Variants in MAP3K9 observed in about 807,000 individuals in gnomAD.
MAP3K9 encodes the protein mixed lineage kinase 1 (tyr and ser/thr specificity).
Under a neutral mutation model 95.8 loss-of-function variants are expected in MAP3K9, and 46 were observed. That is an observed-to-expected ratio of 0.48 (90% CI 0.38 to 0.61). The LOEUF (loss-of-function observed/expected upper bound fraction) is 0.61. MAP3K9 is among the 20% of genes least tolerant of loss of function. MAP3K9 has a pLI of 0.00. For missense variants in MAP3K9, 1,296 were observed against 1,474.3 expected (o/e 0.88, Z 1.98); for synonymous variants, 533 against 593.8 (o/e 0.90, Z 1.49).
At position 70,809,014 on chromosome 14, in the gene MAP3K9, G is replaced by A. The variant is rs372951506; in HGVS notation, c.158C>T (p.Pro53Leu). The A allele has an allele frequency of 1.4e-4, 211 of 1,519,808 alleles. 1 individual carries two copies. The African/African-American group carries it at 2.7e-3, about 19-fold the overall frequency. 94.1% of individuals were successfully genotyped at this position (1,519,808 alleles called of 1,614,324 possible). ...GAACACGGCCGTCCAGTAGGGCAGC[G>A]GCGCGTCGCAGCCCAGCTCCCCGGG... ...VGPGELGCDA[P>L]LPYWTAVFEY... Residue 53 changes from proline to leucine, a missense_variant, in exon 1 of 12, where the codon CCG (proline) becomes CTG (leucine). Transcript: ENST00000554752.
Position 70,742,459 on chromosome 14 carries a change from T to C in MAP3K9, c.1459A>G (p.Ile487Val), listed in dbSNP as rs767507468. The C allele has an allele frequency of 6.8e-6, 11 of 1,614,212 alleles. No homozygotes were observed. Among genetic ancestry groups the C allele is most frequent in the Non-Finnish European group, 9.3e-6 (11 of 1,180,032 alleles). Residue 487 changes from isoleucine to valine, a missense_variant, in exon 6 of 12, where the codon ATC becomes GTC. Ile to Val is a conservative substitution (Grantham distance 29, BLOSUM62 3). Transcript: ENST00000554752. The part of the protein sequence containing the change: ...IDILERELNI[I>V]IHQLCQEKPR... The stretch of plus-strand genomic sequence containing the variant: ...TTCTCCTGGCACAGCTGGTGGATGA[T>C]GATGTTGAGCTCCCGTTCCAGGATG...
chr14:70,727,503 G>A lies in MAP3K9; in HGVS notation c.*2877C>T. The A allele has an allele frequency of 6.6e-6, 1 of 152,576 alleles. No individual in the cohort carries two copies. The highest frequency in any genetic ancestry group is 1.5e-5 in the Non-Finnish European group (1 of 68,238). The allele number at this position is 152,576 out of a possible 1,614,324, so 9.5% of individuals were successfully genotyped here. A position where few individuals can be genotyped will look rare whatever the true frequency, so the allele number is the denominator to read the frequency against. On this transcript the variant is annotated 3_prime_UTR_variant, in exon 12 of 12. Transcript: ENST00000554752. ...GCAGAGGAAAGGGGGGCCGGCTACT[G>A]CCACTCAAGTGGCTTCATCCACAGC...
In MAP3K9 at chr14:70,727,337, A is replaced by G. The variant is rs1342938606; in HGVS notation, c.*3043T>C. On this transcript the variant is annotated 3_prime_UTR_variant, in exon 12 of 12. Transcript: ENST00000554752. Reference sequence around the variant, plus strand: ...GCAGTCTGGATCCCCAAGAGGGTCAAAAGGGGATAATCCGAATCAGCGGTA... The same window carrying G: ...GCAGTCTGGATCCCCAAGAGGGTCAGAAGGGGATAATCCGAATCAGCGGTA... 6.6e-6 allele frequency: 1 copy of G among 152,284 alleles called. No homozygotes were observed. The highest frequency in any genetic ancestry group is 1.9e-4 in the East Asian group (1 of 5,200). 9.4% of individuals were successfully genotyped at this position (152,284 alleles called of 1,614,324 possible).
intron 1 of MAP3K9, among the ~76,000 whole-genome samples, chr14:70,802,044 G>A (rs1371065879): frequency 2.0e-5 from 3 of 152,170 alleles, no homozygotes; most frequent in Non-Finnish European, 4.4e-5. Flanking sequence ...GAGGAGTCAT[G>A]TATCTTTCAG....
rs2053786810 is a variant in MAP3K9, at chr14:70,724,006, A to T, written c.*6374T>A. 1 of 152,230 alleles carries T rather than the reference A, an allele frequency of 6.6e-6. No homozygotes were observed. The allele number at this position is 152,230 out of a possible 1,614,324, so 9.4% of individuals were successfully genotyped here. ...GAGGGTGTGATGGGCCAAATTCTGA[A>T]GACTCACTGTGCAGGCACAGAGCTA... On this transcript the variant is annotated 3_prime_UTR_variant, in exon 12 of 12. Coordinates refer to ENST00000554752, the MANE Select transcript of MAP3K9 (RefSeq NM_001284230.2).
intron 3 of MAP3K9, among the ~76,000 whole-genome samples, 194 bp from the exon 4 acceptor site, chr14:70,750,275 T>C (rs1349302602): frequency 2.0e-5 from 3 of 152,238 alleles, no homozygotes; most frequent in Non-Finnish European, 4.4e-5. Context: ...GAGTCAAGCA[T>C]ACTTGGTTTT....
chr14:70,759,203 C>T (rs2054336932), intron 3 of MAP3K9, among the ~76,000 whole-genome samples: 1 of 152,104 alleles, frequency 6.6e-6, no homozygotes, highest in African/African-American at 2.4e-5. Flanking sequence ...ATCCCAGCCC[C>T]TTAAGAGGCC....
At chr14:70,770,286 T>C (rs566049718) in intron 2 of MAP3K9, among the ~76,000 whole-genome samples, 3 of 152,290 alleles carry the variant, frequency 2.0e-5, no homozygotes, top group Admixed American at 2.0e-4. Flanking sequence ...GTTCAAGCGA[T>C]TCTCCTGCCT....
At chr14:70,785,431 T>G (rs138205648) in intron 2 of MAP3K9, among the ~76,000 whole-genome samples, 109 of 152,336 alleles carry the variant, frequency 7.2e-4, no homozygotes, top group African/African-American at 2.5e-3. Context: ...AGATTAACAC[T>G]AACAATAAAA....
At position 70,733,360 on chromosome 14, in the gene MAP3K9, G is replaced by T; in HGVS notation, c.2027-18C>A. On this transcript the variant is annotated intron_variant, in intron 10 of 11. Transcript: ENST00000554752. ...CTCATCCTCTGTGAAGATGACAAGA[G>T]TGGAAGAGAAACAGGAAATGGAAAT... 2 of 1,107,874 alleles carry T rather than the reference G, an allele frequency of 1.8e-6. No homozygotes were observed. Among genetic ancestry groups the T allele is most frequent in the Non-Finnish European group, 2.6e-6 (2 of 765,426 alleles). The allele number at this position is 1,107,874 out of a possible 1,614,324, so 68.6% of individuals were successfully genotyped here.
intron 11 of MAP3K9, among the ~76,000 whole-genome samples, chr14:70,732,079 AGT>A (rs2053911953): frequency 6.6e-6 from 1 of 152,138 alleles, no homozygotes; most frequent in Admixed American, 6.5e-5. Context: ...CTGCCTTCTG[AGT>A]GTGTGTGAAC....
intron 1 of MAP3K9, among the ~76,000 whole-genome samples, chr14:70,803,336 TTAAAAAAAA>T (rs1304393289): frequency 1.5e-5 from 1 of 66,102 alleles, no homozygotes; most frequent in African/African-American, 6.5e-5. Flanking sequence ...AATTCAGATC[TTAAAAAAAA>T]AAAAAAAAAA....
chr14:70,765,618 G>A (rs1214696794), intron 2 of MAP3K9: 2 of 407,590 alleles, frequency 4.9e-6, no homozygotes, highest in Non-Finnish European at 8.8e-6. Flanking sequence ...ACAGTAACAT[G>A]TACACGTTTG....
At position 70,740,084 on chromosome 14, in the gene MAP3K9, G is replaced by A. The variant is rs759137263; in HGVS notation, c.1648C>T (p.Pro550Ser). Residue 550 changes from proline to serine, a missense_variant, in exon 7 of 12, where the codon CCT becomes TCT. Pro to Ser is a moderately conservative substitution (Grantham distance 74). Transcript: ENST00000554752. Reference protein sequence around the residue: ...KSLINSRSSPPASPTIIPRLR... With the variant: ...KSLINSRSSPSASPTIIPRLR... Reference sequence around the variant, plus strand: ...CGAGGAATGATGGTGGGGCTTGCAGGAGGACTGGAGCGGCTGTTGATAAGA... The same window carrying A: ...CGAGGAATGATGGTGGGGCTTGCAGAAGGACTGGAGCGGCTGTTGATAAGA... The A allele has an allele frequency of 5.6e-6, 9 of 1,614,064 alleles. No individual in the cohort carries two copies. Among genetic ancestry groups the A allele is most frequent in the Admixed American group, 3.3e-5 (2 of 59,990 alleles).
rs2139694303 is a variant in MAP3K9 at position 70,729,663 on chromosome 14, C to T, written c.*717G>A. 6.6e-6 allele frequency: 1 copy of T among 152,356 alleles called. No individual in the cohort carries two copies. The highest frequency in any genetic ancestry group is 2.4e-5 in the African/African-American group (1 of 41,564). 9.4% of individuals were successfully genotyped at this position (152,356 alleles called of 1,614,324 possible). A position where few individuals can be genotyped will look rare whatever the true frequency, so the allele number is the denominator to read the frequency against. ...AAGAACAAGGACATACTTCATGAAC[C>T]TCTTCATTGCAACTTTACTGTATTT... On this transcript the variant is annotated 3_prime_UTR_variant, in exon 12 of 12. Transcript: ENST00000554752.
At chr14:70,764,829 T>C (rs2139790224) in intron 2 of MAP3K9, among the ~76,000 whole-genome samples, 1 of 151,160 alleles carries the variant, frequency 6.6e-6, no homozygotes, top group East Asian at 1.9e-4. Context: ...GAGTGAGACC[T>C]CTCTCTCAAA....
chr14:70,773,921 TAC>T (rs1422907232), intron 2 of MAP3K9, among the ~76,000 whole-genome samples: 2 of 152,226 alleles, frequency 1.3e-5, no homozygotes, highest in Non-Finnish European at 2.9e-5. Context: ...ACTGAATTAA[TAC>T]AGAGTTCAAT....
At chr14:70,785,099 T>C (rs1213957192) in intron 2 of MAP3K9, among the ~76,000 whole-genome samples, 1 of 152,184 alleles carries the variant, frequency 6.6e-6, no homozygotes, top group Non-Finnish European at 1.5e-5. Flanking sequence ...GAGCCTGGTA[T>C]TTGAGTCCAG....
intron 2 of MAP3K9, among the ~76,000 whole-genome samples, chr14:70,769,041 G>A (rs1367403336): frequency 1.3e-5 from 2 of 152,142 alleles, no homozygotes; most frequent in East Asian, 1.9e-4. Context: ...ATGTATACAT[G>A]TAACATGTAC....
Sources: gnomAD v4.1 joint callset for allele counts (sites outside exome capture counted in the v4.1 genomes callset) on GRCh38, gnomAD v4.1.1 for gene constraint, MANE v1.5 for transcripts, NCBI Gene and HGNC (gene_info 2026-07-23, HGNC 2026-07-21) for gene names.